The following RSPRY1 variants were observed in gnomAD, a reference collection of about 807,000 sequenced individuals.
RSPRY1 encodes the protein RING finger and SPRY domain-containing protein 1.
In RSPRY1, 23 loss-of-function variants were observed where a neutral mutation model predicts 73.1. That is an observed-to-expected ratio of 0.31 (90% CI 0.23 to 0.45). The LOEUF is 0.45. Ranked by LOEUF, RSPRY1 falls within the 20% of genes least tolerant of loss-of-function variation. The probability of loss-of-function intolerance (pLI) is 1.00; values close to 1 mark genes in which losing one functional copy is unlikely to be tolerated. For missense variants in RSPRY1, 448 were observed against 698.7 expected (o/e 0.64, Z 4.05); for synonymous variants, 226 against 251.4 (o/e 0.90, Z 0.95).
At chr16:57,191,897 G>A (rs1184920592) in intron 1 of RSPRY1, among the ~76,000 whole-genome samples, 2 of 152,182 alleles carry the variant, frequency 1.3e-5, no homozygotes, top group Non-Finnish European at 2.9e-5. Context: ...TGCTTTATCT[G>A]TAGTCTTTGG....
intron 1 of RSPRY1, among the ~76,000 whole-genome samples, chr16:57,198,182 G>A (rs535798380): frequency 3.9e-5 from 6 of 152,142 alleles, no homozygotes; most frequent in Non-Finnish European, 7.4e-5. Context: ...TCAGGAGATC[G>A]AGACTATCCT....
At chr16:57,216,309 C>A (rs768643108) in intron 7 of RSPRY1, 136 bp downstream of exon 7, 4 of 649,442 alleles carry the variant, frequency 6.2e-6, no homozygotes, top group East Asian at 2.7e-5. Context: ...TGGATAGACA[C>A]GTTAAAGCCA....
At position 57,218,720 on chromosome 16, in the gene RSPRY1, C is replaced by CTTTTTT. The variant is rs869295634; in HGVS notation, c.901+1713_901+1718dup. Reference sequence around the variant, plus strand: ...CCATTTTGTATATGTGCCACATTTTCTTTTTTTTTTTTTTTTTTTTTTTTT... The same window carrying CTTTTTT: ...CCATTTTGTATATGTGCCACATTTTCTTTTTTTTTTTTTTTTTTTTTTTTTTTTTTT... On this transcript the variant is annotated intron_variant, in intron 8 of 14. Transcript: ENST00000394420. Among the ~76,000 whole-genome samples, 122 of 41,140 alleles carry CTTTTTT rather than the reference C, an allele frequency of 3.0e-3. 10 individuals carry two copies. Among genetic ancestry groups the CTTTTTT allele is most frequent in the Admixed American group, 5.1e-3 (11 of 2,166 alleles). The allele number at this position is 41,140 out of a possible 152,430, so 27.0% of individuals were successfully genotyped here.
At chr16:57,209,457 G>T (rs566259098) in intron 4 of RSPRY1, among the ~76,000 whole-genome samples, 1 of 151,554 alleles carries the variant, frequency 6.6e-6, no homozygotes, top group Non-Finnish European at 1.5e-5. Flanking sequence ...TCCGCCTCCC[G>T]GGTCCAAGCG....
intron 2 of RSPRY1, among the ~76,000 whole-genome samples, chr16:57,205,845 A>C (rs148220314): frequency 3.6e-4 from 55 of 152,362 alleles, no homozygotes; most frequent in African/African-American, 1.3e-3. Context: ...TACATAAGGC[A>C]TTCAGTGTGG....
intron 8 of RSPRY1, chr16:57,220,297 T>C (rs1276502432): frequency 6.4e-6 from 1 of 157,222 alleles, no homozygotes; most frequent in Non-Finnish European, 1.4e-5. Flanking sequence ...GACCATGGTA[T>C]ATCTTTGTGT....
Position 57,221,430 on chromosome 16 carries a change from G to A in RSPRY1, c.1161+15G>A, listed in dbSNP as rs371659385. The A allele has an allele frequency of 2.4e-4, 390 of 1,594,186 alleles. No homozygotes were observed. The highest frequency in any genetic ancestry group is 3.1e-4 in the Non-Finnish European group (365 of 1,170,276). ...TCCTCAATCATGTGAGTACCCTAGA[G>A]AACTGTGAAAATGGGAGCAGTGGCA... On this transcript the variant is annotated intron_variant, in intron 10 of 14. Transcript: ENST00000394420.
At chr16:57,203,673 A>C (rs1331557124) in intron 1 of RSPRY1, among the ~76,000 whole-genome samples, 1 of 152,212 alleles carries the variant, frequency 6.6e-6, no homozygotes, top group South Asian at 2.1e-4. Flanking sequence ...GCCATCCATG[A>C]ATTCCTGGAG....
chr16:57,230,873 GA>G (rs1175128803), intron 12 of RSPRY1, 60 bp downstream of exon 12: 236 of 953,256 alleles, frequency 2.5e-4, no homozygotes, highest in Non-Finnish European at 2.7e-4. Flanking sequence ...TTTTCTCTAG[GA>G]AAAAAAAAGT....
intron 13 of RSPRY1, among the ~76,000 whole-genome samples, chr16:57,232,577 A>T (rs2075241123): frequency 6.6e-6 from 1 of 152,140 alleles, no homozygotes; most frequent in Non-Finnish European, 1.5e-5. Context: ...TCCTTGGATG[A>T]AGCCCACAAA....
At chr16:57,202,878 T>TATATATATATA (rs2074646964) in intron 1 of RSPRY1, among the ~76,000 whole-genome samples, 1 of 131,638 alleles carries the variant, frequency 7.6e-6, no homozygotes, top group Non-Finnish European at 1.6e-5. Flanking sequence ...TTACATATGA[T>TATATATATATA]TATATATATA....
At chr16:57,222,811 T>C (rs1346468704) in intron 10 of RSPRY1, among the ~76,000 whole-genome samples, 2 of 152,184 alleles carry the variant, frequency 1.3e-5, no homozygotes, top group Non-Finnish European at 1.5e-5. Flanking sequence ...GAAGCTTCGA[T>C]ATAAAACTTG....
chr16:57,220,713 A>G lies in RSPRY1; in HGVS notation c.902-19A>G. The G allele has an allele frequency of 6.6e-7, 1 of 1,525,586 alleles. No individual in the cohort carries two copies. Among genetic ancestry groups the G allele is most frequent in the Non-Finnish European group, 9.1e-7 (1 of 1,099,888 alleles). 94.5% of individuals were successfully genotyped at this position (1,525,586 alleles called of 1,614,324 possible). A position where few individuals can be genotyped will look rare whatever the true frequency, so the allele number is the denominator to read the frequency against. ...CACAGCAGCCTGCCTTAGAAACATG[A>G]ACACTCTTTCTTTTGCAGTTTTAAA... On this transcript the variant is annotated intron_variant, in intron 8 of 14. Transcript: ENST00000394420.
At chr16:57,216,442 G>C in intron 7 of RSPRY1, 1 of 421,996 alleles carries the variant, frequency 2.4e-6, no homozygotes, top group Non-Finnish European at 4.2e-6. Flanking sequence ...CTAGAAAAAA[G>C]TATGGTGGCT....
intron 6 of RSPRY1, among the ~76,000 whole-genome samples, chr16:57,214,482 A>G (rs1179300307): frequency 2.0e-5 from 3 of 152,188 alleles, no homozygotes; most frequent in African/African-American, 7.2e-5. Context: ...TGTATTTTTA[A>G]AAGTTATTTT....
At chr16:57,232,789 A>G (rs1397779761) in intron 13 of RSPRY1, among the ~76,000 whole-genome samples, 1 of 152,208 alleles carries the variant, frequency 6.6e-6, no homozygotes, top group Non-Finnish European at 1.5e-5. Flanking sequence ...GTAACCATGT[A>G]TATAAATTTG....
At chr16:57,226,243 A>G (rs1392063665) in intron 10 of RSPRY1, among the ~76,000 whole-genome samples, 3 of 152,202 alleles carry the variant, frequency 2.0e-5, no homozygotes, top group African/African-American at 7.2e-5. Context: ...CAAGAAAGGT[A>G]TTTGCCTGAT....
intron 14 of RSPRY1, among the ~76,000 whole-genome samples, chr16:57,235,585 G>A (rs967644953): frequency 3.3e-5 from 5 of 152,200 alleles, no homozygotes; most frequent in Non-Finnish European, 7.3e-5. Flanking sequence ...CTAAATTTCA[G>A]TTGTATGAGA....
Position 57,228,481 on chromosome 16 carries a change from T to G in RSPRY1, c.1273+1028T>G, listed in dbSNP as rs564110692. On this transcript the variant is annotated intron_variant, in intron 11 of 14. Transcript: ENST00000394420. ...GGCCCTGTTTTCAAAAACTAGCTTG[T>G]TTTTTAATAAGAATTTTTTAAAGGA... is the stretch of plus-strand genomic sequence containing the variant. 5.9e-5 allele frequency among the ~76,000 whole-genome samples: 9 copies of G among 152,156 alleles called. No individual in the cohort carries two copies. The East Asian group carries it at 1.7e-3, about 29-fold the overall frequency.
Sources: allele counts gnomAD v4.1 joint callset (sites outside exome capture counted in the v4.1 genomes callset), GRCh38; gene constraint gnomAD v4.1.1; transcripts MANE v1.5; gene names NCBI Gene and HGNC (gene_info 2026-07-23, HGNC 2026-07-21).